GALNT8: variants seen among roughly 807,000 people sequenced by gnomAD.
The protein encoded by GALNT8 is polypeptide N-acetylgalactosaminyltransferase 8, also known as probable polypeptide N-acetylgalactosaminyltransferase 8.
GALNT8 carries 66 observed loss-of-function variants against 62.7 expected under a neutral mutation model. The ratio of observed to expected loss-of-function variants is 1.05; its 90% CI spans 0.86 to 1.29. GALNT8 has a LOEUF of 1.29. Ranked by LOEUF, GALNT8 falls within the 50% of genes most tolerant of loss-of-function variation. The pLI is 0.00. For missense variants in GALNT8, 771 were observed against 791.8 expected (o/e 0.97, Z 0.32); for synonymous variants, 288 against 294.3 (o/e 0.98, Z 0.22).
intron 10 of GALNT8, among the ~76,000 whole-genome samples, chr12:4,767,888 C>T (rs556513535): frequency 3.1e-4 from 47 of 152,264 alleles, no homozygotes; most frequent in African/African-American, 1.1e-3. Flanking sequence ...AAGGAGTGTT[C>T]AAAGAATCAT....
At chr12:4,757,151 A>G (rs1432834915) in intron 6 of GALNT8, among the ~76,000 whole-genome samples, 1 of 152,204 alleles carries the variant, frequency 6.6e-6, no homozygotes, top group Non-Finnish European at 1.5e-5. Flanking sequence ...TTCCCTAGCC[A>G]TGCTGAATTG....
intron 2 of GALNT8, among the ~76,000 whole-genome samples, chr12:4,727,291 G>GTT (rs72047414): frequency 6.8e-6 from 1 of 147,746 alleles, no homozygotes; most frequent in East Asian, 2.0e-4. Context: ...CTTTGCTATT[G>GTT]TTTTTTTTTT....
chr12:4,772,325 G>T (rs1946428225), intron 10 of GALNT8, 120 bp from the exon 11 acceptor site: 3 of 820,374 alleles, frequency 3.7e-6, no homozygotes, highest in Non-Finnish European at 6.0e-6. Flanking sequence ...TGGATGACTT[G>T]TGGAGCACTG....
rs144246122 is a variant in GALNT8 at position 4,723,015 on chromosome 12, G to A, written c.211+2127G>A. ...GAAAGTGTGATGGGAGAGAAGGAGA[G>A]AATAAAAGGAGAGAGGAGGAGTCCT... On this transcript the variant is annotated intron_variant, in intron 1 of 10. Coordinates refer to ENST00000252318, the MANE Select transcript of GALNT8 (RefSeq NM_017417.2). Among the ~76,000 whole-genome samples, 336 of 151,890 alleles carry A rather than the reference G, an allele frequency of 2.2e-3. 2 individuals carry two copies. The highest frequency in any genetic ancestry group is 7.9e-3 in the African/African-American group (326 of 41,384).
intron 6 of GALNT8, among the ~76,000 whole-genome samples, chr12:4,752,354 C>G (rs1341979985): frequency 6.6e-6 from 1 of 151,782 alleles, no homozygotes; most frequent in African/African-American, 2.4e-5. Flanking sequence ...CTGTCTTCCT[C>G]TAGTGAAGGT....
intron 6 of GALNT8, among the ~76,000 whole-genome samples, chr12:4,757,185 A>G (rs564940365): frequency 1.3e-5 from 2 of 152,302 alleles, no homozygotes; most frequent in East Asian, 3.9e-4. Context: ...CCTCTTTCCT[A>G]TAAGTTACCC....
chr12:4,755,513 T>C (rs138465373), intron 6 of GALNT8, among the ~76,000 whole-genome samples: 64 of 152,326 alleles, frequency 4.2e-4, no homozygotes, highest in African/African-American at 1.5e-3. Context: ...TTTCTACCTC[T>C]TCAGTGCCTT....
At chr12:4,723,872 C>T (rs541041343) in intron 1 of GALNT8, among the ~76,000 whole-genome samples, 30 of 151,796 alleles carry the variant, frequency 2.0e-4, no homozygotes, top group Non-Finnish European at 3.2e-4. Flanking sequence ...AGAAGTCGGC[C>T]GGGCGCGGTG....
intron 2 of GALNT8, among the ~76,000 whole-genome samples, chr12:4,732,342 G>A (rs1346821796): frequency 1.3e-5 from 2 of 152,224 alleles, no homozygotes; most frequent in East Asian, 1.9e-4. Context: ...ATTCTCCACC[G>A]GGAGGAGTGG....
chr12:4,744,494 A>G (rs1459774629), intron 3 of GALNT8, 23 bp from the exon 4 acceptor site: 19 of 1,538,352 alleles, frequency 1.2e-5, no homozygotes, highest in East Asian at 4.6e-5. Flanking sequence ...CAGAATTTCT[A>G]TAGGTGTGCA....
intron 2 of GALNT8, among the ~76,000 whole-genome samples, chr12:4,733,812 C>T (rs897394999): frequency 6.6e-5 from 10 of 152,280 alleles, no homozygotes; most frequent in Admixed American, 2.0e-4. Flanking sequence ...CAGTGACTCC[C>T]GAATCCACAG....
At chr12:4,739,704 A>G (rs1377675741) in intron 3 of GALNT8, among the ~76,000 whole-genome samples, 2 of 141,186 alleles carry the variant, frequency 1.4e-5, no homozygotes, top group Admixed American at 7.6e-5. Flanking sequence ...TTGGTCTGTC[A>G]CTCAGGCTAG....
intron 10 of GALNT8, among the ~76,000 whole-genome samples, chr12:4,768,204 AT>A (rs1946408187): frequency 6.6e-6 from 1 of 152,186 alleles, no homozygotes; most frequent in African/African-American, 2.4e-5. Context: ...TAAAATTGCT[AT>A]CACAAGATTA....
At chr12:4,733,581 A>T (rs1946230108) in intron 2 of GALNT8, among the ~76,000 whole-genome samples, 2 of 152,210 alleles carry the variant, frequency 1.3e-5, no homozygotes, top group South Asian at 4.1e-4. Context: ...ATTTAACATA[A>T]TCACCTATTC....
intron 7 of GALNT8, among the ~76,000 whole-genome samples, chr12:4,761,520 T>A (rs1425587351): frequency 6.6e-6 from 1 of 152,146 alleles, no homozygotes; most frequent in Non-Finnish European, 1.5e-5. Context: ...TCTTTTATAA[T>A]GAGAGATATA....
chr12:4,758,954 G>A (rs1270655805), intron 6 of GALNT8, among the ~76,000 whole-genome samples: 1 of 151,662 alleles, frequency 6.6e-6, no homozygotes, highest in Non-Finnish European at 1.5e-5. Flanking sequence ...TTTTGTATTT[G>A]TAGTAGAGAC....
chr12:4,760,947 T>C lies in GALNT8; in HGVS notation c.1174-11T>C. 6.2e-7 allele frequency: 1 copy of C among 1,612,190 alleles called. No homozygotes were observed. Among genetic ancestry groups the C allele is most frequent in the Non-Finnish European group, 8.5e-7 (1 of 1,178,982 alleles). ...GTGAAGCACGGGTGATTTTTTGGTC[T>C]TCTTCTGCAGGTGTGGCAGTGTGGA... On this transcript the variant is annotated splice_polypyrimidine_tract_variant and intron_variant, in intron 6 of 10. Transcript: ENST00000252318.
chr12:4,772,336 A>G (rs1477874765), intron 10 of GALNT8, 109 bp from the exon 11 acceptor site: 2 of 922,960 alleles, frequency 2.2e-6, no homozygotes, highest in Non-Finnish European at 3.4e-6. Flanking sequence ...TGGAGCACTG[A>G]GGGGTCCCTC....
intron 4 of GALNT8, among the ~76,000 whole-genome samples, chr12:4,745,017 G>C (rs902099294): frequency 5.9e-5 from 9 of 152,078 alleles, no homozygotes; most frequent in Non-Finnish European, 1.3e-4. Context: ...TATTTTAAAG[G>C]TTTTTCCCCA....
Sources: gnomAD v4.1 joint callset for allele counts (sites outside exome capture counted in the v4.1 genomes callset) on GRCh38, gnomAD v4.1.1 for gene constraint, MANE v1.5 for transcripts, NCBI Gene and HGNC (gene_info 2026-07-23, HGNC 2026-07-21) for gene names.